The following CNTN5 variants were observed in gnomAD, a reference collection of about 807,000 sequenced individuals.
The protein encoded by CNTN5 is contactin-5.
CNTN5 carries 77 observed loss-of-function variants against 129.1 expected under a neutral mutation model. The ratio of observed to expected loss-of-function variants is 0.60; its 90% CI spans 0.50 to 0.72. CNTN5 has a LOEUF of 0.72. CNTN5 is among the 30% of genes least tolerant of loss of function. The pLI is 0.00. For missense variants in CNTN5, 1,478 were observed against 1,328.8 expected (o/e 1.11, Z -1.75); for synonymous variants, 509 against 465.6 (o/e 1.09, Z -1.20).
At chr11:99,145,088 G>T (rs60738827) in intron 1 of CNTN5, among the ~76,000 whole-genome samples, 23,447 of 151,980 alleles carry the variant, frequency 0.15, 1,906 homozygotes, top group Middle Eastern at 0.21. Context: ...TTTATTGTTT[G>T]AGACAGAGGC....
At chr11:99,411,967 G>A (rs1393157097) in intron 2 of CNTN5, among the ~76,000 whole-genome samples, 2 of 151,896 alleles carry the variant, frequency 1.3e-5, no homozygotes, top group African/African-American at 4.8e-5. Flanking sequence ...CTTAACTATG[G>A]GCCAGACAAG....
intron 2 of CNTN5, among the ~76,000 whole-genome samples, chr11:99,483,180 A>G (rs1591139108): frequency 6.7e-6 from 1 of 150,060 alleles, no homozygotes; most frequent in Non-Finnish European, 1.5e-5. Context: ...TTCTCAAAAA[A>G]AAAAAAAAAA....
chr11:99,757,833 T>A (rs183576906), intron 3 of CNTN5, among the ~76,000 whole-genome samples: 8 of 152,194 alleles, frequency 5.3e-5, no homozygotes, highest in Admixed American at 2.0e-4. Context: ...TATAAAAGTA[T>A]GATAAATCCC....
intron 3 of CNTN5, among the ~76,000 whole-genome samples, chr11:99,797,261 T>C (rs1945973765): frequency 6.6e-6 from 1 of 152,186 alleles, no homozygotes; most frequent in Non-Finnish European, 1.5e-5. Flanking sequence ...CCTTTGGATA[T>C]GTATCCAGTA....
chr11:99,488,503 G>A (rs1052421834), intron 2 of CNTN5, among the ~76,000 whole-genome samples: 1 of 151,994 alleles, frequency 6.6e-6, no homozygotes, highest in Non-Finnish European at 1.5e-5. Context: ...CTACTGTGTG[G>A]CTTTCTTATC....
At position 100,046,362 on chromosome 11, in the gene CNTN5, G is replaced by A. The variant is rs138966841; in HGVS notation, c.981-14850G>A. 1.7e-3 allele frequency among the ~76,000 whole-genome samples: 256 copies of A among 152,204 alleles called. 1 individual carries two copies. The highest frequency in any genetic ancestry group is 5.6e-3 in the African/African-American group (234 of 41,532). ...TGATATTCTCCAATCCCATCTGCCT[G>A]TATTCTCTCAAGAGGAAACCAACAG... On this transcript the variant is annotated intron_variant, in intron 9 of 24. Coordinates refer to ENST00000524871, the MANE Select transcript of CNTN5 (RefSeq NM_014361.4).
rs59095048 is a variant in CNTN5, at chr11:99,889,529, CTT to C, written c.578-26508_578-26507del. On this transcript the variant is annotated intron_variant, in intron 6 of 24. Coordinates refer to ENST00000524871, the MANE Select transcript of CNTN5 (RefSeq NM_014361.4). ...ATGTTGAAAAATTCCACTAGACATT[CTT>C]TTTTTTTTTTTTTTTTCTTTTGAGA... Among the ~76,000 whole-genome samples the C allele has an allele frequency of 9.3e-3, 1,189 of 128,240 alleles. 13 individuals carry two copies. The highest frequency in any genetic ancestry group is 0.033 in the African/African-American group (1,151 of 34,496). The allele number at this position is 128,240 out of a possible 152,430, so 84.1% of individuals were successfully genotyped here.
At chr11:99,588,924 T>C (rs1015807586) in intron 3 of CNTN5, among the ~76,000 whole-genome samples, 3 of 152,206 alleles carry the variant, frequency 2.0e-5, no homozygotes, top group East Asian at 1.9e-4. Flanking sequence ...GGAAAAGTAA[T>C]TAATTATATG....
At chr11:100,014,544 G>A (rs2137536521) in intron 9 of CNTN5, among the ~76,000 whole-genome samples, 1 of 151,902 alleles carries the variant, frequency 6.6e-6, no homozygotes, top group Middle Eastern at 3.4e-3. Flanking sequence ...TTGCGCCACT[G>A]CACTCCAGCC....
chr11:99,599,086 T>C lies in CNTN5; in HGVS notation c.55+42817T>C, dbSNP rs114345720. ...TGATTTTTGAAATAATGTAGATACATGGTTAATTGATTTTAAAGCAGTGAA... is the reference window on the plus strand; with the variant it reads ...TGATTTTTGAAATAATGTAGATACACGGTTAATTGATTTTAAAGCAGTGAA... On this transcript the variant is annotated intron_variant, in intron 3 of 24. Transcript: ENST00000524871. Among the ~76,000 whole-genome samples the C allele has an allele frequency of 9.6e-3, 1,455 of 152,218 alleles. 23 individuals are homozygous for C. The highest frequency in any genetic ancestry group is 0.033 in the African/African-American group (1,357 of 41,556).
intron 1 of CNTN5, among the ~76,000 whole-genome samples, chr11:99,247,287 A>G (rs1861859664): frequency 6.6e-6 from 1 of 152,034 alleles, no homozygotes; most frequent in South Asian, 2.1e-4. Context: ...TTCTGAACTG[A>G]ATTTCTTCGT....
intron 1 of CNTN5, among the ~76,000 whole-genome samples, chr11:99,136,648 A>G (rs1859237145): frequency 6.6e-6 from 1 of 152,090 alleles, no homozygotes; most frequent in South Asian, 2.1e-4. Context: ...TTATGTACAC[A>G]CATCTCCTTC....
At chr11:99,917,405 A>AT (rs1949821650) in intron 7 of CNTN5, among the ~76,000 whole-genome samples, 1 of 152,078 alleles carries the variant, frequency 6.6e-6, no homozygotes, top group South Asian at 2.1e-4. Flanking sequence ...TAAGACAAAA[A>AT]TTTTTATTAC....
At chr11:99,350,153 T>G (rs1938191283) in intron 2 of CNTN5, among the ~76,000 whole-genome samples, 1 of 152,218 alleles carries the variant, frequency 6.6e-6, no homozygotes. Context: ...TTAACTACAA[T>G]GTATTTTAGC....
At chr11:100,119,960 T>A (rs1185781470) in intron 13 of CNTN5, among the ~76,000 whole-genome samples, 1 of 151,940 alleles carries the variant, frequency 6.6e-6, no homozygotes, top group Non-Finnish European at 1.5e-5. Context: ...TTTAATGATA[T>A]GAAAATAGAT....
intron 6 of CNTN5, among the ~76,000 whole-genome samples, chr11:99,898,704 A>T (rs746198687): frequency 2.0e-5 from 3 of 150,992 alleles, no homozygotes; most frequent in Non-Finnish European, 3.0e-5. Flanking sequence ...GACTACCGTG[A>T]TTTTTTTTTC....
At chr11:99,148,571 G>A (rs117504413) in intron 1 of CNTN5, among the ~76,000 whole-genome samples, 1,873 of 152,250 alleles carry the variant, frequency 0.012, 16 homozygotes, top group African/African-American at 0.022. Context: ...GATGTGATCT[G>A]TTGGCAGCTA....
intron 3 of CNTN5, among the ~76,000 whole-genome samples, chr11:99,688,851 TGCA>T (rs984892876): frequency 2.6e-5 from 4 of 152,284 alleles, no homozygotes; most frequent in Admixed American, 2.6e-4. Flanking sequence ...GGTGAGAACA[TGCA>T]GTATTTGGTT....
rs1183656874 is a variant in CNTN5 at position 100,357,266 on chromosome 11, T to C, written c.*1046T>C. The C allele has an allele frequency of 6.6e-6, 1 of 151,818 alleles. No homozygotes were observed. The highest frequency in any genetic ancestry group is 1.5e-5 in the Non-Finnish European group (1 of 67,806). 9.4% of individuals were successfully genotyped at this position (151,818 alleles called of 1,614,324 possible). On this transcript the variant is annotated 3_prime_UTR_variant, in exon 25 of 25. Coordinates refer to ENST00000524871, the MANE Select transcript of CNTN5 (RefSeq NM_014361.4). ...TTTAAAAACAGTTCCATGCATCACATACCACTGATAAAATCAACTAGTAAA... is the reference window on the plus strand; with the variant it reads ...TTTAAAAACAGTTCCATGCATCACACACCACTGATAAAATCAACTAGTAAA...
Sources: gnomAD v4.1 joint callset for allele counts (sites outside exome capture counted in the v4.1 genomes callset) on GRCh38, gnomAD v4.1.1 for gene constraint, MANE v1.5 for transcripts, NCBI Gene and HGNC (gene_info 2026-07-23, HGNC 2026-07-21) for gene names.